SLC8A1: variants seen among roughly 807,000 people sequenced by gnomAD.
SLC8A1 encodes the protein solute carrier family 8 member A1.
In SLC8A1, 18 loss-of-function variants were observed where a neutral mutation model predicts 68.3. The ratio of observed to expected loss-of-function variants is 0.26; its 90% CI spans 0.18 to 0.39. The LOEUF is 0.39. SLC8A1 is among the 10% of genes least tolerant of loss of function. The probability of loss-of-function intolerance (pLI) is 1.00; values close to 1 mark genes in which losing one functional copy is unlikely to be tolerated. For synonymous variants in SLC8A1, 475 were observed against 415.5 expected (o/e 1.14, Z -1.74); for missense variants, 985 against 1,156.7 (o/e 0.85, Z 2.15).
At chr2:40,102,968 A>AT in exon 8 of SLC8A1, 2 of 152,298 alleles carry the variant, frequency 1.3e-5, no homozygotes, top group Non-Finnish European at 2.9e-5. Flanking sequence ...TAACAGAAAT[A>AT]TTAGCTATTT....
At chr2:40,325,247 C>G (rs575050706) in intron 2 of SLC8A1, among the ~76,000 whole-genome samples, 1 of 152,282 alleles carries the variant, frequency 6.6e-6, no homozygotes, top group East Asian at 1.9e-4. Flanking sequence ...GAGCATAACT[C>G]TGCCAGCCCT....
intron 2 of SLC8A1, among the ~76,000 whole-genome samples, chr2:40,365,001 C>T: frequency 6.6e-6 from 1 of 151,916 alleles, no homozygotes; most frequent in East Asian, 1.9e-4. Context: ...AAGTAAAGAA[C>T]TGAGTTATTT....
At chr2:40,343,127 T>C (rs1668230475) in intron 2 of SLC8A1, among the ~76,000 whole-genome samples, 1 of 152,074 alleles carries the variant, frequency 6.6e-6, no homozygotes, top group South Asian at 2.1e-4. Context: ...GATATATGAT[T>C]CAATGTAAAA....
chr2:40,488,686 C>T lies in SLC8A1; in HGVS notation c.-25+23663G>A, dbSNP rs184805973. Among the ~76,000 whole-genome samples the T allele has an allele frequency of 6.5e-4, 99 of 152,190 alleles. 1 individual carries two copies. Among genetic ancestry groups the T allele is most frequent in the South Asian group, 1.7e-3 (8 of 4,828 alleles). On this transcript the variant is annotated intron_variant, in intron 1 of 7. Transcript: ENST00000402441. ...TCTCCTAATTCTTCCCACCTGAAATCGTCTTGGATTTTAAAGGTTATTTAA... is the reference window on the plus strand; with the variant it reads ...TCTCCTAATTCTTCCCACCTGAAATTGTCTTGGATTTTAAAGGTTATTTAA...
intron 2 of SLC8A1, among the ~76,000 whole-genome samples, chr2:40,314,624 CTGACCTGTGAAAGGCAT>C (rs532520103): frequency 1.2e-3 from 186 of 151,960 alleles, no homozygotes; most frequent in African/African-American, 4.3e-3. Context: ...ATGATGTTTT[CTGACCTGTGAAAGGCAT>C]ATCTGTCTAT....
intron 2 of SLC8A1, among the ~76,000 whole-genome samples, chr2:40,358,276 C>CAA (rs375073331): frequency 0.031 from 4,129 of 135,302 alleles, 102 homozygotes; most frequent in African/African-American, 0.063. Flanking sequence ...CAGATTAAGA[C>CAA]AAAAAAAAAA....
Position 40,117,392 on chromosome 2 carries a change from CAAAAA to C in SLC8A1, c.2438-1768_2438-1764del, listed in dbSNP as rs70957144. Among the ~76,000 whole-genome samples the C allele has an allele frequency of 2.0e-3, 115 of 58,722 alleles. 1 individual carries two copies. The highest frequency in any genetic ancestry group is 7.1e-3 in the African/African-American group (94 of 13,280). The allele number at this position is 58,722 out of a possible 152,430, so 38.5% of individuals were successfully genotyped here. On this transcript the variant is annotated intron_variant, in intron 7 of 7. Coordinates refer to ENST00000406785, the Ensembl canonical transcript of SLC8A1. Reference sequence around the variant, plus strand: ...AAACCCTGTCTATATACTAAAAATACAAAAAAAAAAAAAAAAAAAAAAAAAAGCCA... The same window carrying C: ...AAACCCTGTCTATATACTAAAAATACAAAAAAAAAAAAAAAAAAAAAGCCA...
chr2:40,106,740 C>T (rs978802645), exon 8 of SLC8A1: 4 of 152,150 alleles, frequency 2.6e-5, no homozygotes, highest in Non-Finnish European at 4.4e-5. Context: ...ATGATGTTAT[C>T]CTTTGCTTAG....
chr2:40,445,537 A>G (rs1701286449), intron 1 of SLC8A1, among the ~76,000 whole-genome samples: 1 of 152,352 alleles, frequency 6.6e-6, no homozygotes, highest in East Asian at 1.9e-4. Context: ...TCAGTCTTAT[A>G]AAATCATTTA....
chr2:40,203,943 T>G (rs2054889508), intron 2 of SLC8A1, among the ~76,000 whole-genome samples: 1 of 151,992 alleles, frequency 6.6e-6, no homozygotes, highest in African/African-American at 2.4e-5. Context: ...CTCAAACTCT[T>G]GGGCTCAAGT....
chr2:40,130,529 T>G (rs1172375994), intron 7 of SLC8A1, among the ~76,000 whole-genome samples: 2 of 152,260 alleles, frequency 1.3e-5, no homozygotes, highest in African/African-American at 4.8e-5. Context: ...TGTCCCTGGT[T>G]AGCTTTGCCT....
intron 2 of SLC8A1, chr2:40,250,292 A>G (rs973048830): frequency 3.2e-4 from 49 of 152,204 alleles, no homozygotes; most frequent in African/African-American, 1.2e-3. Flanking sequence ...ACATGTTTGA[A>G]TTTCAGTTTT....
At chr2:40,139,775 T>A in intron 6 of SLC8A1, 99 bp from the exon 10 acceptor site, 1 of 1,245,438 alleles carries the variant, frequency 8.0e-7, no homozygotes, top group Non-Finnish European at 1.1e-6. Flanking sequence ...CCCTCCACTC[T>A]GTGACAGGAG....
intron 2 of SLC8A1, among the ~76,000 whole-genome samples, chr2:40,240,008 A>T (rs1200656705): frequency 6.6e-6 from 1 of 152,200 alleles, no homozygotes; most frequent in Non-Finnish European, 1.5e-5. Flanking sequence ...CAGGCTCATA[A>T]TGAAGCCAAC....
At chr2:40,422,592 G>T (rs1408417646) in intron 2 of SLC8A1, among the ~76,000 whole-genome samples, 1 of 152,070 alleles carries the variant, frequency 6.6e-6, no homozygotes, top group African/African-American at 2.4e-5. Context: ...TTACAAGATG[G>T]TGACAGAGCA....
chr2:40,281,470 G>A (rs377096606), intron 2 of SLC8A1, among the ~76,000 whole-genome samples: 60 of 152,316 alleles, frequency 3.9e-4, no homozygotes, highest in Non-Finnish European at 5.6e-4. Context: ...TATGTGCCAA[G>A]AATAGCTACA....
At chr2:40,424,128 G>A (rs1406899614) in intron 2 of SLC8A1, among the ~76,000 whole-genome samples, 1 of 151,912 alleles carries the variant, frequency 6.6e-6, no homozygotes, top group Non-Finnish European at 1.5e-5. Flanking sequence ...ATTAAATTGT[G>A]TGCAGAAATT....
At chr2:40,321,807 A>G (rs981294069) in intron 2 of SLC8A1, among the ~76,000 whole-genome samples, 1 of 152,062 alleles carries the variant, frequency 6.6e-6, no homozygotes, top group African/African-American at 2.4e-5. Flanking sequence ...ACAATTCAAG[A>G]TAAGATTTGG....
chr2:40,440,014 C>T (rs1559695155), intron 1 of SLC8A1, among the ~76,000 whole-genome samples: 1 of 151,972 alleles, frequency 6.6e-6, no homozygotes, highest in Non-Finnish European at 1.5e-5. Flanking sequence ...ATGAAACTCA[C>T]CTTAGAAAGA....
Sources: allele counts gnomAD v4.1 joint callset (sites outside exome capture counted in the v4.1 genomes callset), GRCh38; gene constraint gnomAD v4.1.1; transcripts MANE v1.5; gene names NCBI Gene and HGNC (gene_info 2026-07-23, HGNC 2026-07-21).